The following TUBB6 variants were observed in gnomAD, a reference collection of about 807,000 sequenced individuals.
The protein encoded by TUBB6 is tubulin beta 6 class V.
In TUBB6, 18 loss-of-function variants were observed where a neutral mutation model predicts 32.3. The observed-to-expected ratio is 0.56, with a 90% CI of 0.39 to 0.83. TUBB6 has a LOEUF of 0.83. Ranked by LOEUF, TUBB6 falls within the 40% of genes least tolerant of loss-of-function variation. TUBB6 has a pLI of 0.00. For missense variants in TUBB6, 480 were observed against 632.0 expected (o/e 0.76, Z 2.58); for synonymous variants, 280 against 265.8 (o/e 1.05, Z -0.52).
chr18:12,318,436 G>GA (rs1446146204), intron 3 of TUBB6, among the ~76,000 whole-genome samples: 1 of 148,998 alleles, frequency 6.7e-6, no homozygotes, highest in Non-Finnish European at 1.5e-5. Flanking sequence ...TACGGCTTGT[G>GA]AAAAACACAA....
At chr18:12,309,299 G>A (rs1202798865) in intron 2 of TUBB6, among the ~76,000 whole-genome samples, 1 of 151,342 alleles carries the variant, frequency 6.6e-6, no homozygotes. Flanking sequence ...GCTGCAGTGA[G>A]CTGTGATCGC....
At position 12,308,283 on chromosome 18, in the gene TUBB6, C is replaced by A. The variant is rs1195214793; in HGVS notation, c.-10C>A. ...GCAGAGCCAGTTCCTAGCGCAGAGCCGCGCCCGCCATGAGGGAGATCGTGC... is the reference window on the plus strand; with the variant it reads ...GCAGAGCCAGTTCCTAGCGCAGAGCAGCGCCCGCCATGAGGGAGATCGTGC... On this transcript the variant is annotated 5_prime_UTR_variant, in exon 1 of 4. Transcript: ENST00000317702. The A allele has an allele frequency of 1.4e-6, 2 of 1,444,302 alleles. No homozygotes were observed. Among genetic ancestry groups the A allele is most frequent in the Middle Eastern group, 2.6e-4 (1 of 3,876 alleles). The allele number at this position is 1,444,302 out of a possible 1,614,324, so 89.5% of individuals were successfully genotyped here.
chr18:12,308,581 A>T, intron 1 of TUBB6, 106 bp from the exon 2 acceptor site: 4 of 896,152 alleles, frequency 4.5e-6, no homozygotes, highest in Non-Finnish European at 6.9e-6. Context: ...CCGGCGGCTC[A>T]GGCGCGCCTG....
chr18:12,324,815 C>G (rs1907183603), intron 3 of TUBB6: 2 of 1,316,524 alleles, frequency 1.5e-6, no homozygotes, highest in South Asian at 2.8e-5. Context: ...CAAGAATTAC[C>G]TCTTTAACAT....
At chr18:12,328,971 T>A (rs1907421770), downstream of TUBB6, 1 of 571,040 alleles carries the variant, frequency 1.8e-6, no homozygotes, top group African/African-American at 1.9e-5. Context: ...AGTGTTGACA[T>A]TTTATTTTTT....
intron 3 of TUBB6, among the ~76,000 whole-genome samples, chr18:12,314,708 A>G (rs192834358): frequency 8.5e-5 from 13 of 152,338 alleles, no homozygotes; most frequent in African/African-American, 3.1e-4. Flanking sequence ...ATGAAACAAC[A>G]GTAAAAGACA....
intron 3 of TUBB6, among the ~76,000 whole-genome samples, chr18:12,316,101 G>A (rs941631651): frequency 2.6e-5 from 4 of 152,236 alleles, no homozygotes; most frequent in East Asian, 1.9e-4. Context: ...TGGGTGCCCC[G>A]AGGAGGCCTC....
downstream of TUBB6, chr18:12,329,547 T>C: frequency 1.2e-6 from 2 of 1,609,242 alleles, no homozygotes; most frequent in Non-Finnish European, 1.7e-6. Flanking sequence ...CAGACTGAGA[T>C]GGCCTCCCTC....
At chr18:12,318,739 A>C (rs1906805381) in intron 3 of TUBB6, among the ~76,000 whole-genome samples, 1 of 133,362 alleles carries the variant, frequency 7.5e-6, no homozygotes, top group East Asian at 2.3e-4. Flanking sequence ...TTCAGTGTTC[A>C]ATATTTAAAT....
chr18:12,310,939 C>G lies in TUBB6; in HGVS notation c.167-4C>G. ...CTCTTGTGGGTGGTTCTTTTCTCCT[C>G]CAGCTCAGAAATATGTGCCCAGGGC... On this transcript the variant is annotated splice_region_variant and splice_polypyrimidine_tract_variant and intron_variant, in intron 2 of 3. Coordinates refer to ENST00000317702, the MANE Select transcript of TUBB6 (RefSeq NM_032525.3). The G allele has an allele frequency of 6.3e-7, 1 of 1,598,752 alleles. No individual in the cohort carries two copies. The highest frequency in any genetic ancestry group is 8.5e-7 in the Non-Finnish European group (1 of 1,174,120).
At chr18:12,328,402 T>G (rs942380362), downstream of TUBB6, among the ~76,000 whole-genome samples, 1 of 152,220 alleles carries the variant, frequency 6.6e-6, no homozygotes, top group African/African-American at 2.4e-5. Flanking sequence ...ATCTTCCTCA[T>G]GCCATCTTTT....
Position 12,325,974 on chromosome 18 carries a change from G to C in TUBB6, c.1185G>C (p.Leu395=). The change falls in exon 4 of 4, where the codon CTG becomes CTC. Residue 395 remains leucine, a synonymous_variant. Coordinates refer to ENST00000317702, the MANE Select transcript of TUBB6 (RefSeq NM_032525.3). ...FSAMFRRKAF[L]HWFTGEGMDE... The stretch of plus-strand genomic sequence containing the variant: ...CCATGTTCCGGCGCAAGGCCTTCCT[G>C]CACTGGTTCACGGGTGAGGGCATGG... 6.2e-7 allele frequency: 1 copy of C among 1,614,110 alleles called. No homozygotes were observed.
downstream of TUBB6, among the ~76,000 whole-genome samples, chr18:12,328,406 A>G (rs1044785086): frequency 1.3e-5 from 2 of 152,258 alleles, no homozygotes; most frequent in Non-Finnish European, 2.9e-5. Flanking sequence ...TCCTCATGCC[A>G]TCTTTTTTAA....
chr18:12,308,744 G>T lies in TUBB6; in HGVS notation c.115G>T (p.Asp39Tyr). ...GIDPAGGYVG[D>Y]SALQLERINV... ...CGACCCGGCCGGAGGCTACGTGGGA[G>T]ACTCGGCGCTGCAGCTGGAGAGAAT... The change falls in exon 2 of 4, where the codon GAC becomes TAC. Residue 39 changes from aspartate (D) to tyrosine (Y), a missense_variant. Coordinates refer to ENST00000317702, the MANE Select transcript of TUBB6 (RefSeq NM_032525.3). 6.2e-7 allele frequency: 1 copy of T among 1,613,376 alleles called. No individual in the cohort carries two copies. The highest frequency in any genetic ancestry group is 8.5e-7 in the Non-Finnish European group (1 of 1,179,528).
At chr18:12,312,104 G>T (rs1906416649) in intron 3 of TUBB6, among the ~76,000 whole-genome samples, 1 of 152,178 alleles carries the variant, frequency 6.6e-6, no homozygotes, top group Non-Finnish European at 1.5e-5. Flanking sequence ...GCACCAGGAA[G>T]AGATAGTTTA....
Position 12,325,462 on chromosome 18 carries a change from C to A in TUBB6, c.673C>A (p.Leu225Ile). 6.2e-7 allele frequency: 1 copy of A among 1,614,240 alleles called. No individual in the cohort carries two copies. The highest frequency in any genetic ancestry group is 8.5e-7 in the Non-Finnish European group (1 of 1,180,042). ...GCTGACAACGCCCACCTACGGGGAC[C>A]TCAACCACCTGGTGTCCGCCACCAT... ...LKLTTPTYGD[L>I]NHLVSATMSG... Residue 225 changes from leucine (L) to isoleucine (I), a missense_variant, in exon 4 of 4, where the codon CTC becomes ATC. Leu to Ile is a conservative substitution (Grantham distance 5). Transcript: ENST00000317702.
At chr18:12,314,235 A>ACC (rs200225445) in intron 3 of TUBB6, among the ~76,000 whole-genome samples, 1 of 150,680 alleles carries the variant, frequency 6.6e-6, no homozygotes, top group Admixed American at 6.6e-5. Context: ...GAAATGAAGG[A>ACC]CCCCCCCCAA....
chr18:12,325,425 C>T lies in TUBB6; in HGVS notation c.636C>T (p.Phe212=). 3 of 1,614,252 alleles carry T rather than the reference C, an allele frequency of 1.9e-6. No homozygotes were observed. Among genetic ancestry groups the T allele is most frequent in the South Asian group, 2.2e-5 (2 of 91,092 alleles). ...IDNEALYDIC[F]RTLKLTTPTY... ...ACGAGGCGCTCTATGACATCTGCTT[C>T]CGCACTCTGAAGCTGACAACGCCCA... Residue 212 remains phenylalanine, a synonymous_variant, in exon 4 of 4, where the codon TTC becomes TTT. Transcript: ENST00000317702.
At chr18:12,307,716 A>G (rs1906060384), upstream of TUBB6, 1 of 149,384 alleles carries the variant, frequency 6.7e-6, no homozygotes, top group African/African-American at 2.5e-5. Context: ...TCGGAGAGGA[A>G]TGGCCTCTGT....
Sources: allele counts gnomAD v4.1 joint callset (sites outside exome capture counted in the v4.1 genomes callset), GRCh38; gene constraint gnomAD v4.1.1; transcripts MANE v1.5; gene names NCBI Gene and HGNC (gene_info 2026-07-23, HGNC 2026-07-21).